The following ADCK1 variants were observed in gnomAD, a reference collection of about 807,000 sequenced individuals.
ADCK1 encodes aarF domain containing kinase 1.
ADCK1 carries 41 observed loss-of-function variants against 52.3 expected under a neutral mutation model. The ratio of observed to expected loss-of-function variants is 0.78; its 90% CI spans 0.61 to 1.02. The LOEUF (loss-of-function observed/expected upper bound fraction) is 1.02, where lower values mean the gene tolerates loss of function less well. Among genes scored for constraint, ADCK1 ranks in the 50% least tolerant of loss-of-function variants. The pLI is 0.00. For synonymous variants in ADCK1, 250 were observed against 274.6 expected (o/e 0.91, Z 0.89); for missense variants, 658 against 679.5 (o/e 0.97, Z 0.35).
chr14:77,850,272 A>G (rs1566664435), intron 3 of ADCK1, among the ~76,000 whole-genome samples: 1 of 152,174 alleles, frequency 6.6e-6, no homozygotes, highest in Non-Finnish European at 1.5e-5. Context: ...AAAATAATGT[A>G]TATTCTGCTG....
At chr14:77,843,947 G>T (rs1219245796) in intron 3 of ADCK1, among the ~76,000 whole-genome samples, 1 of 152,160 alleles carries the variant, frequency 6.6e-6, no homozygotes, top group East Asian at 1.9e-4. Flanking sequence ...CTCTGAAACA[G>T]AACTTACATT....
At chr14:77,843,434 C>T (rs529291976) in intron 3 of ADCK1, among the ~76,000 whole-genome samples, 3 of 152,176 alleles carry the variant, frequency 2.0e-5, no homozygotes, top group South Asian at 4.1e-4. Context: ...ATTAATTATG[C>T]ATCTTCTCAG....
At chr14:77,883,508 A>G (rs904012440) in intron 4 of ADCK1, among the ~76,000 whole-genome samples, 1 of 152,152 alleles carries the variant, frequency 6.6e-6, no homozygotes, top group Non-Finnish European at 1.5e-5. Context: ...ATTTAGAGAT[A>G]CTTTATTCAT....
At chr14:77,881,289 C>T (rs990912448) in intron 4 of ADCK1, among the ~76,000 whole-genome samples, 3 of 152,206 alleles carry the variant, frequency 2.0e-5, no homozygotes, top group African/African-American at 7.2e-5. Context: ...GCCACATGGA[C>T]CCCTCTGCAG....
At chr14:77,899,058 T>C (rs765696348) in intron 5 of ADCK1, 42 bp from the exon 6 acceptor site, 1 of 1,611,188 alleles carries the variant, frequency 6.2e-7, no homozygotes, top group Non-Finnish European at 8.5e-7. Context: ...TCCCTTGGTA[T>C]ATGCTGTGGG....
intron 4 of ADCK1, among the ~76,000 whole-genome samples, chr14:77,865,120 A>T (rs1310667651): frequency 5.0e-5 from 7 of 138,824 alleles, no homozygotes; most frequent in Non-Finnish European, 9.3e-5. Flanking sequence ...CATCTCTGTT[A>T]AAAAAAAAAG....
intron 1 of ADCK1, among the ~76,000 whole-genome samples, chr14:77,802,932 C>T (rs997950719): frequency 2.0e-5 from 3 of 151,940 alleles, no homozygotes; most frequent in Non-Finnish European, 2.9e-5. Flanking sequence ...CCAGCCTGGG[C>T]GACAGAATGA....
At position 77,859,258 on chromosome 14, in the gene ADCK1, C is replaced by T. The variant is rs1438155525; in HGVS notation, c.402C>T (p.Ile134=). Residue 134 remains isoleucine, a synonymous_variant, in exon 4 of 11, where the codon ATC becomes ATT. Transcript: ENST00000238561. ...QSSMQEIRQV[I]REDLGKEIHD... is the part of the protein sequence containing the mutation. ...GCATGCAAGAGATCCGCCAGGTCATCCGAGAAGATCTGGGCAAGGAGGTAC... is the reference window on the plus strand; with the variant it reads ...GCATGCAAGAGATCCGCCAGGTCATTCGAGAAGATCTGGGCAAGGAGGTAC... 6.2e-7 allele frequency: 1 copy of T among 1,613,754 alleles called. No individual in the cohort carries two copies. The highest frequency in any genetic ancestry group is 8.5e-7 in the Non-Finnish European group (1 of 1,179,856).
intron 6 of ADCK1, among the ~76,000 whole-genome samples, chr14:77,905,303 G>GTTTTTTTTTTTT (rs1566722295): frequency 1.5e-5 from 1 of 65,340 alleles, no homozygotes; most frequent in East Asian, 2.3e-4. Context: ...TTTCCTAGCT[G>GTTTTTTTTTTTT]GTTTTTTTTT....
chr14:77,869,371 C>T (rs1209444281), intron 4 of ADCK1, among the ~76,000 whole-genome samples: 2 of 152,030 alleles, frequency 1.3e-5, no homozygotes, highest in African/African-American at 4.8e-5. Flanking sequence ...GATGCATCTC[C>T]CCAATCTCTG....
At chr14:77,894,265 A>C (rs1265705866) in intron 5 of ADCK1, among the ~76,000 whole-genome samples, 1 of 152,220 alleles carries the variant, frequency 6.6e-6, no homozygotes, top group Admixed American at 6.5e-5. Flanking sequence ...CAAGCTATGT[A>C]CATCACTCTG....
chr14:77,852,598 T>C (rs1390317699), intron 3 of ADCK1, among the ~76,000 whole-genome samples: 1 of 89,012 alleles, frequency 1.1e-5, no homozygotes, highest in Non-Finnish European at 2.6e-5. Context: ...AATTTATTAG[T>C]TTATACATTT....
At chr14:77,904,191 G>A (rs1335908702) in intron 6 of ADCK1, among the ~76,000 whole-genome samples, 1 of 152,174 alleles carries the variant, frequency 6.6e-6, no homozygotes, top group African/African-American at 2.4e-5. Flanking sequence ...TGTCCTAAGA[G>A]CAATCGATGT....
chr14:77,806,930 G>A (rs1320733696), intron 1 of ADCK1, among the ~76,000 whole-genome samples: 2 of 151,798 alleles, frequency 1.3e-5, no homozygotes, highest in Non-Finnish European at 2.9e-5. Flanking sequence ...GCCTGAGCTG[G>A]TCTTGAACTC....
Position 77,925,823 on chromosome 14 carries a change from T to A in ADCK1, c.1068T>A (p.Thr356=). Residue 356 remains threonine (T), a synonymous_variant, in exon 9 of 11, where the codon ACT becomes ACA. Transcript: ENST00000238561. ...ACCTCTGGCAGTCTCTGATCTGGAC[T>A]GACATGAAGAGAGTGAAGGAGTACA... is the stretch of plus-strand genomic sequence containing the variant. The part of the protein sequence containing the change: ...YCHLWQSLIW[T]DMKRVKEYSQ... 6.2e-7 allele frequency: 1 copy of A among 1,614,198 alleles called. No individual in the cohort carries two copies. The highest frequency in any genetic ancestry group is 8.5e-7 in the Non-Finnish European group (1 of 1,180,020).
At chr14:77,883,216 A>G (rs952993175) in intron 4 of ADCK1, among the ~76,000 whole-genome samples, 1 of 152,046 alleles carries the variant, frequency 6.6e-6, no homozygotes. Flanking sequence ...AGCGGGGGAA[A>G]AAAAGAAATG....
At chr14:77,932,176 G>A (rs997512451) in intron 10 of ADCK1, among the ~76,000 whole-genome samples, 1 of 152,072 alleles carries the variant, frequency 6.6e-6, no homozygotes, top group Non-Finnish European at 1.5e-5. Flanking sequence ...AGTCTCCCGA[G>A]TAGCTAGAAT....
chr14:77,801,411 C>T (rs2081107203), intron 1 of ADCK1, among the ~76,000 whole-genome samples: 1 of 152,188 alleles, frequency 6.6e-6, no homozygotes, highest in Non-Finnish European at 1.5e-5. Flanking sequence ...TAAATATGTG[C>T]ATATTACTTT....
chr14:77,900,352 G>A (rs1417039375), intron 6 of ADCK1, among the ~76,000 whole-genome samples: 1 of 151,762 alleles, frequency 6.6e-6, no homozygotes, highest in Admixed American at 6.6e-5. Context: ...TTTGGGAGGC[G>A]GAGGTGGGCA....
Sources: allele counts gnomAD v4.1 joint callset (sites outside exome capture counted in the v4.1 genomes callset), GRCh38; gene constraint gnomAD v4.1.1; transcripts MANE v1.5; gene names NCBI Gene and HGNC (gene_info 2026-07-23, HGNC 2026-07-21).